The following SIL1 variants were observed in gnomAD, a reference collection of about 807,000 sequenced individuals.
SIL1 encodes nucleotide exchange factor SIL1.
In SIL1, 40 loss-of-function variants were observed where a neutral mutation model predicts 49.1. The ratio of observed to expected loss-of-function variants is 0.81; its 90% confidence interval spans 0.63 to 1.06. SIL1 has a LOEUF of 1.06. Among genes scored for constraint, SIL1 ranks in the 50% least tolerant of loss-of-function variants. The pLI is 0.00. For synonymous variants in SIL1, 253 were observed against 250.8 expected, an observed-to-expected ratio of 1.01 and a Z score of -0.08; for missense variants, 500 against 572.6, an observed-to-expected ratio of 0.87 and a Z score of 1.29.
chr5:139,181,854 C>A (rs1751988568), intron 1 of SIL1, among the ~76,000 whole-genome samples: 1 of 152,208 alleles, frequency 6.6e-6, no homozygotes, highest in East Asian at 1.9e-4. Context: ...GCCTGAATTA[C>A]ACATTAGCCC....
Position 139,160,850 on chromosome 5 carries a change from A to G in SIL1, c.-10-32997T>C, listed in dbSNP as rs1751497741. Among the ~76,000 whole-genome samples the G allele has an allele frequency of 2.6e-5, 4 of 152,022 alleles. No individual in the cohort carries two copies. In the South Asian group the frequency reaches 8.3e-4, roughly 32 times the overall value. On this transcript the variant is annotated intron_variant, in intron 1 of 9. Coordinates refer to ENST00000394817, the MANE Select transcript of SIL1 (RefSeq NM_022464.5). The stretch of plus-strand genomic sequence containing the variant: ...ATCACAAATAAAAAAGGGTGGGGGT[A>G]GCAAGAGTTTCACTAAAAGGGGACT...
intron 3 of SIL1, among the ~76,000 whole-genome samples, chr5:139,103,848 A>C (rs1256735120): frequency 6.6e-6 from 1 of 151,768 alleles, no homozygotes; most frequent in Non-Finnish European, 1.5e-5. Flanking sequence ...ACATCCAATA[A>C]ATGCTGCCCT....
At chr5:139,144,827 A>G (rs974372301) in intron 1 of SIL1, among the ~76,000 whole-genome samples, 4 of 152,202 alleles carry the variant, frequency 2.6e-5, no homozygotes, top group African/African-American at 9.6e-5. Flanking sequence ...GCTGAGACTG[A>G]GCCACTGCAC....
At chr5:139,034,780 A>G (rs1400201116) in intron 5 of SIL1, among the ~76,000 whole-genome samples, 1 of 152,228 alleles carries the variant, frequency 6.6e-6, no homozygotes, top group Non-Finnish European at 1.5e-5. Context: ...TTAGGTATAT[A>G]CCCAGTAATG....
At chr5:139,153,132 T>C (rs1200855179) in intron 1 of SIL1, among the ~76,000 whole-genome samples, 2 of 152,188 alleles carry the variant, frequency 1.3e-5, no homozygotes, top group African/African-American at 4.8e-5. Context: ...GTTGGTCTTA[T>C]ACAACATTTC....
intron 7 of SIL1, among the ~76,000 whole-genome samples, chr5:138,984,665 G>A (rs1452174928): frequency 6.6e-6 from 1 of 152,048 alleles, no homozygotes; most frequent in African/African-American, 2.4e-5. Context: ...AGCCTCTTAT[G>A]CATTCTTGAG....
intron 7 of SIL1, chr5:139,016,817 T>C (rs1018531112): frequency 3.3e-5 from 5 of 152,104 alleles, no homozygotes; most frequent in African/African-American, 1.2e-4. Flanking sequence ...TTAATGCCCA[T>C]GTGCACTCAT....
chr5:139,024,701 C>A (rs1026140551), intron 6 of SIL1, among the ~76,000 whole-genome samples: 1 of 152,234 alleles, frequency 6.6e-6, no homozygotes, highest in Non-Finnish European at 1.5e-5. Flanking sequence ...TCTGCTTCTA[C>A]CAAGCCCCCC....
At chr5:139,173,985 A>C (rs547260784) in intron 1 of SIL1, among the ~76,000 whole-genome samples, 56 of 151,278 alleles carry the variant, frequency 3.7e-4, no homozygotes, top group African/African-American at 1.2e-3. Flanking sequence ...AAAAAAAAAC[A>C]GGAAAGATCA....
intron 7 of SIL1, among the ~76,000 whole-genome samples, chr5:138,974,424 A>G (rs1767350675): frequency 6.6e-6 from 1 of 152,224 alleles, no homozygotes; most frequent in South Asian, 2.1e-4. Flanking sequence ...ACTGAGAACA[A>G]CAGGAGATGA....
intron 7 of SIL1, among the ~76,000 whole-genome samples, chr5:139,009,114 A>T (rs1033844282): frequency 1.2e-4 from 18 of 151,194 alleles, no homozygotes; most frequent in Admixed American, 1.2e-3. Flanking sequence ...TTTGTAGGTC[A>T]CTCAGGACTT....
At chr5:139,037,954 G>C (rs1041168443) in intron 5 of SIL1, among the ~76,000 whole-genome samples, 1 of 152,166 alleles carries the variant, frequency 6.6e-6, no homozygotes, top group African/African-American at 2.4e-5. Flanking sequence ...GGAATGAGTC[G>C]ACGTGGTTCC....
At chr5:139,107,043 CAG>C (rs1455495005) in intron 3 of SIL1, among the ~76,000 whole-genome samples, 1 of 152,224 alleles carries the variant, frequency 6.6e-6, no homozygotes, top group African/African-American at 2.4e-5. Flanking sequence ...CTCAGCCCTG[CAG>C]AGAGTCCTAA....
At position 138,999,011 on chromosome 5, in the gene SIL1, C is replaced by T. The variant is rs549483865; in HGVS notation, c.767+22160G>A. On this transcript the variant is annotated intron_variant, in intron 7 of 9. Transcript: ENST00000394817. ...AGCTGGGATTACAGGTGCCCGCCACCACGCCCAGCTAATTTTTGTATTTTT... is the reference window on the plus strand; with the variant it reads ...AGCTGGGATTACAGGTGCCCGCCACTACGCCCAGCTAATTTTTGTATTTTT... Among the ~76,000 whole-genome samples the T allele has an allele frequency of 7.0e-4, 107 of 152,106 alleles. 4 individuals carry two copies. The South Asian group carries it at 0.021, about 29-fold the overall frequency.
At chr5:139,127,652 A>C in intron 2 of SIL1, 87 bp downstream of exon 2, 3 of 1,058,596 alleles carry the variant, frequency 2.8e-6, no homozygotes, top group Non-Finnish European at 4.3e-6. Flanking sequence ...AGAAGCCCAC[A>C]CCCTACTCCC....
chr5:139,055,053 G>C (rs1208438934), intron 3 of SIL1, among the ~76,000 whole-genome samples: 1 of 152,162 alleles, frequency 6.6e-6, no homozygotes, highest in Admixed American at 6.5e-5. Context: ...ATACATACAG[G>C]TAACAAGTTA....
At chr5:139,139,866 CACCTG>C (rs1171051761) in intron 1 of SIL1, among the ~76,000 whole-genome samples, 3 of 150,866 alleles carry the variant, frequency 2.0e-5, no homozygotes, top group Non-Finnish European at 3.0e-5. Flanking sequence ...TGGTGGCTTA[CACCTG>C]TAATCCCAAA....
chr5:139,145,659 TGTGTGTG>T, intron 1 of SIL1, among the ~76,000 whole-genome samples: 1 of 148,972 alleles, frequency 6.7e-6, no homozygotes. Context: ...TGTGTGTGTG[TGTGTGTG>T]TGTGTGTGTG....
intron 1 of SIL1, among the ~76,000 whole-genome samples, chr5:139,168,383 T>C (rs1751666534): frequency 6.6e-6 from 1 of 152,310 alleles, no homozygotes. Flanking sequence ...AGCAGCTACG[T>C]TTCCCCCAAC....
Sources: gnomAD v4.1 joint callset for allele counts (sites outside exome capture counted in the v4.1 genomes callset) on GRCh38, gnomAD v4.1.1 for gene constraint, MANE v1.5 for transcripts, NCBI Gene and HGNC (gene_info 2026-07-23, HGNC 2026-07-21) for gene names.